The following HEMK2 variants were observed in gnomAD, a reference collection of about 807,000 sequenced individuals.
The protein encoded by HEMK2 is methyltransferase HEMK2.
the HEMK2 span, among the ~76,000 whole-genome samples, chr21:28,606,100 G>C: frequency 6.6e-6 from 1 of 152,048 alleles, no homozygotes; most frequent in Non-Finnish European, 1.5e-5. Flanking sequence ...AGTACCAGTT[G>C]GAATATCCAA....
chr21:28,613,619 CTTTTTTTTTT>C, the HEMK2 span, among the ~76,000 whole-genome samples: 18 of 82,698 alleles, frequency 2.2e-4, no homozygotes, highest in Admixed American at 2.3e-3. Context: ...TCTGCATATT[CTTTTTTTTTT>C]TTTTTTTTTT....
At chr21:28,692,311 C>T in the HEMK2 span, among the ~76,000 whole-genome samples, 1 of 152,044 alleles carries the variant, frequency 6.6e-6, no homozygotes, top group African/African-American at 2.4e-5. Context: ...GAGATACAAT[C>T]AGGGACAAGA....
the HEMK2 span, among the ~76,000 whole-genome samples, chr21:28,776,325 C>A: frequency 6.6e-6 from 1 of 152,190 alleles, no homozygotes; most frequent in Non-Finnish European, 1.5e-5. Flanking sequence ...GTGGATGCCA[C>A]AGAGCCAGTG....
chr21:28,671,102 T>C, the HEMK2 span: 3 of 152,220 alleles, frequency 2.0e-5, no homozygotes, highest in East Asian at 1.9e-4. Context: ...GAAAGATGTA[T>C]GGAACAAGGA....
At chr21:28,748,593 T>C in the HEMK2 span, among the ~76,000 whole-genome samples, 5 of 152,202 alleles carry the variant, frequency 3.3e-5, no homozygotes, top group African/African-American at 1.2e-4. Flanking sequence ...ATCTGGGTTT[T>C]CTAAAGAAAA....
chr21:28,857,734 C>A, the HEMK2 span, among the ~76,000 whole-genome samples: 1 of 152,086 alleles, frequency 6.6e-6, no homozygotes, highest in Non-Finnish European at 1.5e-5. Context: ...CATAGATGTT[C>A]TGGGTCTTAT....
At chr21:28,828,547 C>G in the HEMK2 span, among the ~76,000 whole-genome samples, 1 of 152,144 alleles carries the variant, frequency 6.6e-6, no homozygotes, top group South Asian at 2.1e-4. Context: ...TCAGTTTTTT[C>G]TAAACTAAGA....
the HEMK2 span, among the ~76,000 whole-genome samples, chr21:28,867,427 A>G: frequency 1.7e-4 from 26 of 152,328 alleles, no homozygotes; most frequent in East Asian, 9.6e-4. Context: ...CAAGTGAAAA[A>G]TTGTTGACTC....
the HEMK2 span, among the ~76,000 whole-genome samples, chr21:28,656,315 C>G: frequency 1 from 152,160 of 152,162 alleles, 76,079 homozygotes; most frequent in Middle Eastern, 1. Flanking sequence ...AAAAGTACCA[C>G]AACCACTAAC....
At chr21:28,620,833 C>T in the HEMK2 span, among the ~76,000 whole-genome samples, 94 of 151,548 alleles carry the variant, frequency 6.2e-4, no homozygotes, top group South Asian at 6.9e-3. Context: ...GCCACCACAC[C>T]CAGCTTATTT....
chr21:28,601,284 G>T, the HEMK2 span, among the ~76,000 whole-genome samples: 1 of 152,086 alleles, frequency 6.6e-6, no homozygotes, highest in African/African-American at 2.4e-5. Context: ...GGCTTTCAAT[G>T]ACCTGCATTT....
chr21:28,631,878 A>G, the HEMK2 span, among the ~76,000 whole-genome samples: 1 of 152,126 alleles, frequency 6.6e-6, no homozygotes, highest in Non-Finnish European at 1.5e-5. Context: ...TCCACATACA[A>G]CAACAAATAA....
At chr21:28,690,799 C>G in the HEMK2 span, among the ~76,000 whole-genome samples, 1 of 152,106 alleles carries the variant, frequency 6.6e-6, no homozygotes. Context: ...GAAATCAACA[C>G]GTCTGTTACT....
chr21:28,761,984 T>C, the HEMK2 span, among the ~76,000 whole-genome samples: 3 of 152,152 alleles, frequency 2.0e-5, no homozygotes, highest in African/African-American at 7.2e-5. Flanking sequence ...CCAAATGTGT[T>C]TCCAGTCTCT....
chr21:28,730,141 G>C, the HEMK2 span, among the ~76,000 whole-genome samples: 3 of 152,004 alleles, frequency 2.0e-5, no homozygotes, highest in Non-Finnish European at 1.5e-5. Flanking sequence ...ACTTTGGGAT[G>C]CAAAGGCGGG....
At chr21:28,707,541 C>A in the HEMK2 span, among the ~76,000 whole-genome samples, 1 of 152,098 alleles carries the variant, frequency 6.6e-6, no homozygotes, top group Non-Finnish European at 1.5e-5. Flanking sequence ...CAGGCATGAG[C>A]CACCACACTC....
the HEMK2 span, among the ~76,000 whole-genome samples, chr21:28,788,585 C>T: frequency 6.6e-6 from 1 of 151,600 alleles, no homozygotes; most frequent in Non-Finnish European, 1.5e-5. Flanking sequence ...TATAACTGCT[C>T]GGGTGGTGGG....
chr21:28,709,494 C>T, the HEMK2 span, among the ~76,000 whole-genome samples: 918 of 152,202 alleles, frequency 6.0e-3, 9 homozygotes, highest in African/African-American at 0.021. Flanking sequence ...AAAAGACAAC[C>T]AAGTCTACTG....
chr21:28,653,959 G>T, the HEMK2 span, among the ~76,000 whole-genome samples: 1 of 152,110 alleles, frequency 6.6e-6, no homozygotes, highest in Non-Finnish European at 1.5e-5. Flanking sequence ...AAAGACTAAT[G>T]AAATAAAACA....
Sources: gnomAD v4.1 joint callset for allele counts (sites outside exome capture counted in the v4.1 genomes callset) on GRCh38, gnomAD v4.1.1 for gene constraint, MANE v1.5 for transcripts, NCBI Gene and HGNC (gene_info 2026-07-23, HGNC 2026-07-21) for gene names.